TNK2: variants seen among roughly 807,000 people sequenced by gnomAD.
TNK2 encodes tyrosine kinase non receptor 2, also known as activated CDC42 kinase 1.
A neutral mutation model predicts 101.8 loss-of-function variants in TNK2; 83 were observed. That is an observed-to-expected ratio of 0.82 (90% CI 0.68 to 0.98). TNK2 has a LOEUF of 0.98. Among genes scored for constraint, TNK2 ranks in the 50% least tolerant of loss-of-function variants. The pLI, the probability that TNK2 is intolerant of heterozygous loss-of-function variation, is 0.00. For missense variants in TNK2, 1,665 were observed against 1,483.2 expected, an observed-to-expected ratio of 1.12 and a Z score of -2.01; for synonymous variants, 804 against 633.0, an observed-to-expected ratio of 1.27 and a Z score of -4.06.
intron 12 of TNK2, 126 bp downstream of exon 12, chr3:195,869,371 A>G (rs906731751): frequency 3.0e-6 from 3 of 1,014,792 alleles, no homozygotes; most frequent in African/African-American, 3.2e-5. Context: ...CAGCCGCGGA[A>G]GCTCACAGCA....
At position 195,866,961 on chromosome 3, in the gene TNK2, A is replaced by G; in HGVS notation, c.3089T>C (p.Leu1030Pro). Residue 1030 changes from leucine to proline, a missense_variant, in exon 15 of 16, where the codon CTG becomes CCG. Around this residue, in one of 3 missense-constraint regions of TNK2, gnomAD observed 1,136 missense variants for 894.9 expected, o/e 1.27. Transcript: ENST00000672887. ...LRPRGECHKV[L>P]EMFDWNLEQA... ...CTCCAGGTTCCAGTCGAACATCTCC[A>G]GCACTTTGTGGCACTCCCCTCTGGG... 6.2e-7 allele frequency: 1 copy of G among 1,613,116 alleles called. No homozygotes were observed. Among genetic ancestry groups the G allele is most frequent in the Non-Finnish European group, 8.5e-7 (1 of 1,179,858 alleles).
At chr3:195,869,385 A>ACCCCCCCCC in intron 12 of TNK2, 112 bp downstream of exon 12, 1 of 893,002 alleles carries the variant, frequency 1.1e-6, no homozygotes, top group East Asian at 2.8e-5. Context: ...CACAGCACAC[A>ACCCCCCCCC]CCCACCCACC....
intron 6 of TNK2, among the ~76,000 whole-genome samples, chr3:195,881,768 G>A (rs537278977): frequency 6.6e-6 from 1 of 151,224 alleles, no homozygotes; most frequent in African/African-American, 2.4e-5. Flanking sequence ...CCCTTGGAGA[G>A]GACACAGCAT....
At position 195,864,037 on chromosome 3, in the gene TNK2, C is replaced by T; in HGVS notation, c.*144G>A. ...TGGGCAGGGCAGGGCTCCCAGCCTC[C>T]CGCAGCCTTGGCCTTGCTCCATCCC... On this transcript the variant is annotated 3_prime_UTR_variant, in exon 16 of 16. Transcript: ENST00000672887. 1.8e-6 allele frequency: 2 copies of T among 1,127,652 alleles called. No homozygotes were observed. Among genetic ancestry groups the T allele is most frequent in the Non-Finnish European group, 2.6e-6 (2 of 770,206 alleles). The allele number at this position is 1,127,652 out of a possible 1,614,324, so 69.9% of individuals were successfully genotyped here.
At chr3:195,887,554 T>C (rs1306610329) in intron 2 of TNK2, among the ~76,000 whole-genome samples, 1 of 152,380 alleles carries the variant, frequency 6.6e-6, no homozygotes, top group East Asian at 1.9e-4. Flanking sequence ...TTTAGCTATT[T>C]TAACTAAGTC....
At chr3:195,892,421 C>G (rs778181656) in intron 1 of TNK2, 6 of 1,535,166 alleles carry the variant, frequency 3.9e-6, no homozygotes, top group African/African-American at 1.4e-5. Context: ...TGTGTACAGG[C>G]GTCGCCGCAG....
intron 1 of TNK2, among the ~76,000 whole-genome samples, chr3:195,906,078 C>A (rs1383522220): frequency 3.3e-5 from 5 of 152,098 alleles, no homozygotes; most frequent in African/African-American, 1.2e-4. Flanking sequence ...AGATGCCCGA[C>A]AACATGAGTC....
chr3:195,885,166 G>C lies in TNK2; in HGVS notation c.235-133C>G. 9.4e-7 allele frequency: 1 copy of C among 1,061,616 alleles called. No individual in the cohort carries two copies. The highest frequency in any genetic ancestry group is 1.3e-6 in the Non-Finnish European group (1 of 747,034). 65.8% of individuals were successfully genotyped at this position (1,061,616 alleles called of 1,614,324 possible). On this transcript the variant is annotated intron_variant, in intron 3 of 15. Coordinates refer to ENST00000672887, the MANE Select transcript of TNK2 (RefSeq NM_001382273.1). This position sits in a 1 kb window ranked among gnomAD's most constrained non-coding sequence, Gnocchi z 4.7. ...AGGTCCTGGTTTTGCCAAACTGTCA[G>C]TGGGGCAGCCTGGCTGGAGGCCCAC... is the stretch of plus-strand genomic sequence containing the variant.
Position 195,888,412 on chromosome 3 carries a change from A to G in TNK2, c.163+14T>C. The G allele has an allele frequency of 5.6e-6, 9 of 1,610,730 alleles. No individual in the cohort carries two copies. Among genetic ancestry groups the G allele is most frequent in the Non-Finnish European group, 7.6e-6 (9 of 1,177,524 alleles). On this transcript the variant is annotated intron_variant, in intron 2 of 15. Transcript: ENST00000672887. This position sits in a 1 kb window ranked among gnomAD's most constrained non-coding sequence, Gnocchi z 5.3. ...GGTCAGGGGCAAGACAAGCCAGGCCAACATCCCACCTACCAGGCCGACCCA... is the reference window on the plus strand; with the variant it reads ...GGTCAGGGGCAAGACAAGCCAGGCCGACATCCCACCTACCAGGCCGACCCA...
chr3:195,893,408 G>A (rs780936746), intron 1 of TNK2, among the ~76,000 whole-genome samples: 14 of 151,736 alleles, frequency 9.2e-5, no homozygotes, highest in Non-Finnish European at 1.9e-4. Flanking sequence ...CTCAGACCAG[G>A]TGGCCAAGTT....
chr3:195,895,257 C>T, intron 1 of TNK2: 8 of 1,552,714 alleles, frequency 5.2e-6, no homozygotes, highest in Non-Finnish European at 6.9e-6. Context: ...TGCGGTCCCT[C>T]CTCGCCCCCA....
At chr3:195,874,573 A>G (rs1360179999) in intron 9 of TNK2, among the ~76,000 whole-genome samples, 51 of 118,704 alleles carry the variant, frequency 4.3e-4, no homozygotes, top group Middle Eastern at 4.9e-3. Flanking sequence ...CCGAGGCACA[A>G]GAAGCTCCCC....
At position 195,885,694 on chromosome 3, in the gene TNK2, A is replaced by T; in HGVS notation, c.235-661T>A. The T allele has an allele frequency of 1.2e-6, 1 of 812,332 alleles. No individual in the cohort carries two copies. Among genetic ancestry groups the T allele is most frequent in the Non-Finnish European group, 1.8e-6 (1 of 568,998 alleles). The allele number at this position is 812,332 out of a possible 1,614,324, so 50.3% of individuals were successfully genotyped here. On this transcript the variant is annotated intron_variant, in intron 3 of 15. Coordinates refer to ENST00000672887, the MANE Select transcript of TNK2 (RefSeq NM_001382273.1). This position sits in a 1 kb window ranked among gnomAD's most constrained non-coding sequence, Gnocchi z 4.7. ...AGCTGAGGGCTGAGACGGAAGGAAA[A>T]GTGGAGGAGACTCGGAGGCCAGGGT...
At chr3:195,904,799 G>A (rs376250945) in intron 1 of TNK2, among the ~76,000 whole-genome samples, 2 of 152,102 alleles carry the variant, frequency 1.3e-5, no homozygotes, top group Non-Finnish European at 2.9e-5. Context: ...AATAAAAGAT[G>A]GAAAAGACTG....
chr3:195,872,874 G>C (rs750786697), intron 9 of TNK2: 2 of 189,528 alleles, frequency 1.1e-5, no homozygotes, highest in Non-Finnish European at 2.2e-5. Context: ...TCCCTGGCAA[G>C]GCCGGGGCCC....
Position 195,867,580 on chromosome 3 carries a change from A to T in TNK2, c.2718T>A (p.Pro906=). ...GGGTGCTGGGTGGGGGCAGCAGCAGAGGCACAGGCAGGGGGGTAGGCTCCT... is the reference window on the plus strand; with the variant it reads ...GGGTGCTGGGTGGGGGCAGCAGCAGTGGCACAGGCAGGGGGGTAGGCTCCT... ...SPEEPTPLPV[P]LLLPPPSTPA... is the part of the protein sequence containing the mutation. Residue 906 remains proline (P), a synonymous_variant, in exon 13 of 16, where the codon CCT becomes CCA. Coordinates refer to ENST00000672887, the MANE Select transcript of TNK2 (RefSeq NM_001382273.1). The T allele has an allele frequency of 6.3e-7, 1 of 1,583,140 alleles. No homozygotes were observed. The highest frequency in any genetic ancestry group is 1.7e-5 in the Admixed American group (1 of 58,102).
intron 15 of TNK2, among the ~76,000 whole-genome samples, chr3:195,865,353 A>G (rs1294739799): frequency 6.8e-6 from 1 of 147,420 alleles, no homozygotes; most frequent in African/African-American, 2.5e-5. Flanking sequence ...TCCCGGGTGC[A>G]AATCAGTAAG....
In TNK2 at chr3:195,867,206, T is replaced by C. The variant is rs1198062476; in HGVS notation, c.2996A>G (p.His999Arg). 16 of 1,613,006 alleles carry C rather than the reference T, an allele frequency of 9.9e-6. No individual in the cohort carries two copies. The highest frequency in any genetic ancestry group is 3.3e-4 in the Middle Eastern group (2 of 6,040). ...GGCAGCCCTCTGCACGCTCCAGCCGTGGCACTGCAGGGCCGCCTGGCACTC... is the reference window on the plus strand; with the variant it reads ...GGCAGCCCTCTGCACGCTCCAGCCGCGGCACTGCAGGGCCGCCTGGCACTC... ...TEECQAALQC[H>R]GWSVQRAAQY... The change falls in exon 14 of 16, where the codon CAC (histidine) becomes CGC (arginine). Residue 999 changes from histidine (H) to arginine (R), a missense_variant. This residue lies in a region of TNK2 where 1,136 missense variants were observed against 894.9 expected (regional missense o/e 1.27). Transcript: ENST00000672887.
chr3:195,866,961 A>T lies in TNK2; in HGVS notation c.3089T>A (p.Leu1030Gln). 2.5e-6 allele frequency: 4 copies of T among 1,613,116 alleles called. No individual in the cohort carries two copies. Among genetic ancestry groups the T allele is most frequent in the Non-Finnish European group, 3.4e-6 (4 of 1,179,858 alleles). ...LRPRGECHKV[L>Q]EMFDWNLEQA... ...CTCCAGGTTCCAGTCGAACATCTCC[A>T]GCACTTTGTGGCACTCCCCTCTGGG... Residue 1030 changes from leucine to glutamine, a missense_variant, in exon 15 of 16, where the codon CTG (leucine) becomes CAG (glutamine). By Grantham distance (113) the Leu-to-Gln change is moderately radical (BLOSUM62 -2). This residue lies in a region of TNK2 where 1,136 missense variants were observed against 894.9 expected (regional missense o/e 1.27). Transcript: ENST00000672887.
Sources: gnomAD v4.1 joint callset for allele counts (sites outside exome capture counted in the v4.1 genomes callset) on GRCh38, gnomAD v4.1.1 for gene constraint, gnomAD v4.1.1 regional missense constraint, Gnocchi (gnomAD v3.1) non-coding constraint, MANE v1.5 for transcripts, NCBI Gene and HGNC (gene_info 2026-07-23, HGNC 2026-07-21) for gene names.